The following DMD variants were observed in gnomAD, a reference collection of about 807,000 sequenced individuals.
DMD encodes the protein mutant dystrophin.
Under a neutral mutation model 330.1 loss-of-function variants are expected in DMD, and 63 were observed. The observed-to-expected ratio is 0.19, with a 90% CI of 0.16 to 0.24. DMD has a LOEUF of 0.24. Among genes scored for constraint, DMD ranks in the 10% least tolerant of loss-of-function variants. DMD has a pLI of 1.00. For synonymous variants in DMD, 1,223 were observed against 959.8 expected, an observed-to-expected ratio of 1.27 and a Z score of -5.07; for missense variants, 3,344 against 2,684.1, an observed-to-expected ratio of 1.25 and a Z score of -5.43.
chrX:32,483,046 C>G (rs748031834), intron 21 of DMD, among the ~76,000 whole-genome samples: 1 of 104,569 alleles, frequency 9.6e-6, no homozygotes, highest in East Asian at 3.1e-4. Flanking sequence ...CTCCCTGGTG[C>G]CAGTTCGGAT....
chrX:31,723,698 A>G (rs1336636652), intron 52 of DMD, among the ~76,000 whole-genome samples: 2 of 103,494 alleles, frequency 1.9e-5, no homozygotes, highest in Admixed American at 2.1e-4. Context: ...CTTCCACCCC[A>G]CTGTTAACAG....
At chrX:31,269,485 T>C (rs1435635018) in intron 62 of DMD, among the ~76,000 whole-genome samples, 1 of 111,330 alleles carries the variant, frequency 9.0e-6, no homozygotes, top group African/African-American at 3.3e-5. Context: ...AGTACCACTG[T>C]CTAGAATGGT....
At chrX:32,825,487 G>T (rs997679124) in intron 4 of DMD, among the ~76,000 whole-genome samples, 1 of 111,681 alleles carries the variant, frequency 9.0e-6, no homozygotes, top group Non-Finnish European at 1.9e-5. Flanking sequence ...TAATAAAAAA[G>T]TATCTACCAT....
At chrX:32,415,338 C>T (rs2098162187) in intron 29 of DMD, among the ~76,000 whole-genome samples, 1 of 111,982 alleles carries the variant, frequency 8.9e-6, no homozygotes. Context: ...TGGGTTGGCT[C>T]TTTTCCTGGC....
chrX:32,762,216 C>T (rs993778956), intron 7 of DMD, among the ~76,000 whole-genome samples: 19 of 109,880 alleles, frequency 1.7e-4, no homozygotes, highest in African/African-American at 6.3e-4. Flanking sequence ...CTGACTAGCT[C>T]TCCTGCAGGA....
intron 2 of DMD, among the ~76,000 whole-genome samples, chrX:32,916,421 G>T: frequency 9.0e-6 from 1 of 111,494 alleles, no homozygotes; most frequent in Non-Finnish European, 1.9e-5. Flanking sequence ...CCAATGTCCA[G>T]AAAAGAATGA....
At chrX:31,607,517 T>G (rs914204100) in intron 55 of DMD, among the ~76,000 whole-genome samples, 1 of 112,106 alleles carries the variant, frequency 8.9e-6, no homozygotes, top group Non-Finnish European at 1.9e-5. Context: ...CTAACTCACC[T>G]AGCAACAGTT....
At chrX:31,524,148 C>A (rs1293326275) in intron 55 of DMD, among the ~76,000 whole-genome samples, 1 of 112,029 alleles carries the variant, frequency 8.9e-6, no homozygotes, top group African/African-American at 3.2e-5. Context: ...GCCCGCTGAG[C>A]TGGAGAGCAG....
chrX:31,229,574 C>T (rs1040554827), intron 63 of DMD, among the ~76,000 whole-genome samples: 1 of 111,670 alleles, frequency 9.0e-6, no homozygotes, highest in African/African-American at 3.3e-5. Context: ...AACTCTATTT[C>T]CCAGAAGAAA....
intron 44 of DMD, among the ~76,000 whole-genome samples, chrX:32,090,060 G>A (rs1216724529): frequency 5.4e-5 from 6 of 111,676 alleles, no homozygotes; most frequent in Non-Finnish European, 9.4e-5. Flanking sequence ...ATAACAACCC[G>A]TAGTAAATAT....
chrX:32,484,875 AT>A, intron 21 of DMD, 43 bp downstream of exon 21: 1 of 1,175,452 alleles, frequency 8.5e-7, no homozygotes, highest in Non-Finnish European at 1.2e-6. Context: ...ACAAATAACC[AT>A]TTTGGAAAAT....
At chrX:32,948,289 T>G (rs754115365) in intron 2 of DMD, among the ~76,000 whole-genome samples, 1 of 111,503 alleles carries the variant, frequency 9.0e-6, no homozygotes, top group East Asian at 2.8e-4. Context: ...CAATGTAGAG[T>G]TAAGGGCTTT....
chrX:33,211,369 C>G lies in DMD; in HGVS notation c.-57G>C. 8.4e-7 allele frequency: 1 copy of G among 1,194,762 alleles called. No homozygotes were observed. Among genetic ancestry groups the G allele is most frequent in the Non-Finnish European group, 1.1e-6 (1 of 885,278 alleles). On this transcript the variant is annotated 5_prime_UTR_variant, in exon 1 of 79. Coordinates refer to ENST00000357033, the MANE Select transcript of DMD (RefSeq NM_004006.3). The stretch of plus-strand genomic sequence containing the variant: ...AAAAACCTGGTAAAAGTTCTTCAAA[C>G]TTTATTGCTCCAGTAGGCTTAAAAA...
chrX:32,527,225 T>C (rs3805063), intron 17 of DMD, among the ~76,000 whole-genome samples: 11,077 of 111,825 alleles, frequency 0.099, 1,254 homozygotes, highest in African/African-American at 0.33. Flanking sequence ...ACATTTTAAT[T>C]AGCTAGGAAG....
intron 13 of DMD, among the ~76,000 whole-genome samples, chrX:32,586,283 T>G (rs1365858485): frequency 9.1e-6 from 1 of 109,846 alleles, no homozygotes; most frequent in Non-Finnish European, 1.9e-5. Context: ...GAAAAAAATT[T>G]TATATACTAA....
chrX:32,400,665 CA>C (rs1364895339), intron 30 of DMD, among the ~76,000 whole-genome samples: 2 of 108,815 alleles, frequency 1.8e-5, no homozygotes, highest in Non-Finnish European at 3.8e-5. Context: ...GGCAATCATT[CA>C]AAAGTCAGGA....
intron 62 of DMD, among the ~76,000 whole-genome samples, chrX:31,278,393 G>T (rs1410812351): frequency 9.0e-6 from 1 of 111,162 alleles, no homozygotes; most frequent in African/African-American, 3.3e-5. Flanking sequence ...GATTCAGGAG[G>T]GGGAGCAAGT....
intron 17 of DMD, among the ~76,000 whole-genome samples, chrX:32,520,367 T>G (rs897628800): frequency 3.6e-5 from 4 of 112,392 alleles, no homozygotes; most frequent in Admixed American, 1.9e-4. Context: ...AATCATCTTT[T>G]ATGCATATTT....
intron 50 of DMD, among the ~76,000 whole-genome samples, chrX:31,810,196 AAT>A (rs1332524254): frequency 9.0e-6 from 1 of 111,515 alleles, no homozygotes; most frequent in Non-Finnish European, 1.9e-5. Flanking sequence ...GAAGACCAGT[AAT>A]TATGGAACAG....
Sources: allele counts gnomAD v4.1 joint callset (sites outside exome capture counted in the v4.1 genomes callset), GRCh38; gene constraint gnomAD v4.1.1; transcripts MANE v1.5; gene names NCBI Gene and HGNC (gene_info 2026-07-23, HGNC 2026-07-21).